Variants in RFX3 observed in about 807,000 individuals in gnomAD.
The protein encoded by RFX3 is transcription factor RFX3.
Under a neutral mutation model 98.6 loss-of-function variants are expected in RFX3, and 14 were observed. That is an observed-to-expected ratio of 0.14 (90% CI 0.09 to 0.22). The LOEUF is 0.22. Among genes scored for constraint, RFX3 ranks in the 10% least tolerant of loss-of-function variants. The probability of loss-of-function intolerance (pLI) is 1.00; values close to 1 mark genes in which losing one functional copy is unlikely to be tolerated. For synonymous variants in RFX3, 383 were observed against 328.4 expected (o/e 1.17, Z -1.80); for missense variants, 639 against 926.9 (o/e 0.69, Z 4.03).
intron 1 of RFX3, among the ~76,000 whole-genome samples, chr9:3,408,720 C>T (rs577475195): frequency 3.9e-5 from 6 of 151,996 alleles, no homozygotes; most frequent in South Asian, 2.1e-4. Context: ...CACATGCACA[C>T]GCAAATAAAC....
intron 3 of RFX3, among the ~76,000 whole-genome samples, chr9:3,336,490 G>A (rs746380823): frequency 6.6e-6 from 1 of 152,050 alleles, no homozygotes; most frequent in Non-Finnish European, 1.5e-5. Context: ...CTGAAAGCCA[G>A]ATTTTTTATT....
At chr9:3,228,407 G>C (rs989247820) in intron 16 of RFX3, among the ~76,000 whole-genome samples, 6 of 152,282 alleles carry the variant, frequency 3.9e-5, no homozygotes, top group African/African-American at 1.4e-4. Flanking sequence ...TGCATTTACA[G>C]TAAACCTCAC....
chr9:3,427,427 T>C (rs1247973587), intron 1 of RFX3, among the ~76,000 whole-genome samples: 1 of 143,200 alleles, frequency 7.0e-6, no homozygotes, highest in African/African-American at 2.6e-5. Context: ...AATAATACAA[T>C]ATATAAATAT....
intron 1 of RFX3, among the ~76,000 whole-genome samples, chr9:3,497,440 C>T (rs1252166527): frequency 6.6e-6 from 1 of 151,902 alleles, no homozygotes; most frequent in Non-Finnish European, 1.5e-5. Flanking sequence ...GGTGAAACTT[C>T]CAAAAATTAG....
intron 1 of RFX3, among the ~76,000 whole-genome samples, chr9:3,467,255 CAT>C (rs761431485): frequency 1.1e-4 from 15 of 142,370 alleles, no homozygotes; most frequent in South Asian, 4.3e-4. Flanking sequence ...ATTATATATA[CAT>C]ATATATGTAC....
chr9:3,358,223 G>A (rs551923145), intron 2 of RFX3, among the ~76,000 whole-genome samples: 342 of 152,214 alleles, frequency 2.2e-3, no homozygotes, highest in African/African-American at 8.0e-3. Context: ...ACAAATCATG[G>A]TTTAGGTCTG....
rs558724539 is a variant in RFX3, at chr9:3,474,325, T to G, written c.-9+51422A>C. ...AGTGAGAAGTATGCAGCACTTTTTA[T>G]GACCTACTGTTTTAACTTTTTCTAT... On this transcript the variant is annotated intron_variant, in intron 1 of 16. Coordinates refer to ENST00000617270, the MANE Select transcript of RFX3 (RefSeq NM_001282116.2). 4.6e-5 allele frequency among the ~76,000 whole-genome samples: 7 copies of G among 152,348 alleles called. No homozygotes were observed. The South Asian group carries it at 1.4e-3, about 32-fold the overall frequency.
intron 1 of RFX3, among the ~76,000 whole-genome samples, chr9:3,431,757 C>G (rs1844675966): frequency 6.6e-6 from 1 of 152,102 alleles, no homozygotes; most frequent in South Asian, 2.1e-4. Flanking sequence ...AATGTCAAGA[C>G]AAGAGAAGCA....
In RFX3 at chr9:3,220,524, T is replaced by A. The variant is rs1414396809; in HGVS notation, c.*4518A>T. The A allele has an allele frequency of 6.6e-6, 1 of 152,032 alleles. No homozygotes were observed. Among genetic ancestry groups the A allele is most frequent in the Non-Finnish European group, 1.5e-5 (1 of 67,994 alleles). The allele number at this position is 152,032 out of a possible 1,614,324, so 9.4% of individuals were successfully genotyped here. ...TTTTTTTTTTCTGTAAACAGTACAC[T>A]TACTTAGATGGCAGTGAATATTTGG... is the stretch of plus-strand genomic sequence containing the variant. On this transcript the variant is annotated 3_prime_UTR_variant, in exon 17 of 17. Coordinates refer to ENST00000617270, the MANE Select transcript of RFX3 (RefSeq NM_001282116.2).
chr9:3,264,336 T>C (rs1337085683), intron 12 of RFX3, among the ~76,000 whole-genome samples: 2 of 152,170 alleles, frequency 1.3e-5, no homozygotes, highest in East Asian at 3.8e-4. Context: ...ATGTATAGTA[T>C]TGCACTCAAT....
At chr9:3,363,756 C>G (rs1010442939) in intron 2 of RFX3, among the ~76,000 whole-genome samples, 7 of 152,214 alleles carry the variant, frequency 4.6e-5, no homozygotes, top group Non-Finnish European at 1.0e-4. Flanking sequence ...GATTCCAGAT[C>G]TTCTGACTCT....
At chr9:3,417,837 A>C (rs897594158) in intron 1 of RFX3, among the ~76,000 whole-genome samples, 2 of 152,194 alleles carry the variant, frequency 1.3e-5, no homozygotes, top group African/African-American at 4.8e-5. Flanking sequence ...TTCACATAAA[A>C]AACAGTTCCG....
chr9:3,342,224 A>G (rs1298632047), intron 3 of RFX3, among the ~76,000 whole-genome samples: 1 of 152,206 alleles, frequency 6.6e-6, no homozygotes, highest in Non-Finnish European at 1.5e-5. Context: ...CTCAGGTACA[A>G]GTATTCTCTG....
At chr9:3,263,529 C>T (rs1823192905) in intron 12 of RFX3, among the ~76,000 whole-genome samples, 1 of 152,142 alleles carries the variant, frequency 6.6e-6, no homozygotes, top group Non-Finnish European at 1.5e-5. Flanking sequence ...GACATTCCTA[C>T]TCTTTACATT....
intron 2 of RFX3, among the ~76,000 whole-genome samples, chr9:3,358,948 A>T (rs113752489): frequency 6.6e-6 from 1 of 151,950 alleles, no homozygotes; most frequent in African/African-American, 2.4e-5. Flanking sequence ...AACTGCTCCC[A>T]TGATTCAATT....
In RFX3 at chr9:3,440,105, T is replaced by C. The variant is rs370961936; in HGVS notation, c.-8-44509A>G. Reference sequence around the variant, plus strand: ...AGAAAAGTAGCAATAAAAGAATTTTTTCCATCTATTAAAGAAATCTATTAA... The same window carrying C: ...AGAAAAGTAGCAATAAAAGAATTTTCTCCATCTATTAAAGAAATCTATTAA... On this transcript the variant is annotated intron_variant, in intron 1 of 16. Transcript: ENST00000617270. Among the ~76,000 whole-genome samples the C allele has an allele frequency of 2.0e-5, 3 of 152,092 alleles. No homozygotes were observed. In the East Asian group the frequency reaches 5.8e-4, roughly 29 times the overall value.
intron 1 of RFX3, among the ~76,000 whole-genome samples, chr9:3,474,104 C>G (rs1305884419): frequency 6.6e-6 from 1 of 152,016 alleles, no homozygotes; most frequent in African/African-American, 2.4e-5. Flanking sequence ...CTTTGAGAAC[C>G]ACTGCTCTGC....
chr9:3,482,221 G>C (rs553389807), intron 1 of RFX3, among the ~76,000 whole-genome samples: 1 of 148,628 alleles, frequency 6.7e-6, no homozygotes, highest in East Asian at 2.4e-4. Context: ...CAAAATATGA[G>C]TGTGAAAGTA....
At chr9:3,407,524 T>C (rs189640664) in intron 1 of RFX3, among the ~76,000 whole-genome samples, 6 of 152,252 alleles carry the variant, frequency 3.9e-5, no homozygotes, top group Admixed American at 1.3e-4. Flanking sequence ...TTGAATATGC[T>C]ATATCACCTA....
Sources: gnomAD v4.1 joint callset for allele counts (sites outside exome capture counted in the v4.1 genomes callset) on GRCh38, gnomAD v4.1.1 for gene constraint, MANE v1.5 for transcripts, NCBI Gene and HGNC (gene_info 2026-07-23, HGNC 2026-07-21) for gene names.